Variants in SMARCB1 observed in about 807,000 individuals in gnomAD.
The protein encoded by SMARCB1 is SWI/SNF-related matrix-associated actin-dependent regulator of chromatin subfamily B member 1.
SMARCB1 carries 5 observed loss-of-function variants against 49.0 expected under a neutral mutation model. That is an observed-to-expected ratio of 0.10 (90% confidence interval 0.05 to 0.21). The LOEUF is 0.21. Ranked by LOEUF, SMARCB1 falls within the 10% of genes least tolerant of loss-of-function variation. SMARCB1 has a pLI of 1.00. For synonymous variants in SMARCB1, 201 were observed against 200.1 expected, an observed-to-expected ratio of 1.00 and a Z score of -0.04; for missense variants, 226 against 509.2, an observed-to-expected ratio of 0.44 and a Z score of 5.35.
chr22:23,837,344 G>T lies in SMARCB1; in HGVS notation c.*3164G>T. 1 of 766,508 alleles carries T rather than the reference G, an allele frequency of 1.3e-6. No homozygotes were observed. The allele number at this position is 766,508 out of a possible 1,614,324, so 47.5% of individuals were successfully genotyped here. A position where few individuals can be genotyped will look rare whatever the true frequency, so the allele number is the denominator to read the frequency against. On this transcript the variant is annotated 3_prime_UTR_variant, in exon 9 of 9. Transcript: ENST00000644036. ...GACAAGCTTAAAAGGCCCAGAAGCA[G>T]GCAGGACCCAGGGAGGGGAGGGCCT...
intron 5 of SMARCB1, among the ~76,000 whole-genome samples, chr22:23,805,601 G>A (rs1929446216): frequency 6.6e-6 from 1 of 152,152 alleles, no homozygotes; most frequent in Non-Finnish European, 1.5e-5. Flanking sequence ...CGCCTCCCAG[G>A]TTCAAGTGAT....
chr22:23,834,812 TC>T lies in SMARCB1; in HGVS notation c.*636del. The T allele has an allele frequency of 6.2e-7, 1 of 1,607,586 alleles. No homozygotes were observed. On this transcript the variant is annotated 3_prime_UTR_variant, in exon 9 of 9. Coordinates refer to ENST00000644036, the MANE Select transcript of SMARCB1 (RefSeq NM_003073.5). Reference sequence around the variant, plus strand: ...CTTTCAGGAACAGCCCTAACCCTGCTCCCCTTGCTTGGCCTCAGGAAGGTGC... The same window carrying T: ...CTTTCAGGAACAGCCCTAACCCTGCTCCCTTGCTTGGCCTCAGGAAGGTGC...
intron 6 of SMARCB1, among the ~76,000 whole-genome samples, chr22:23,821,330 C>T (rs1691770486): frequency 6.6e-6 from 1 of 151,834 alleles, no homozygotes; most frequent in Non-Finnish European, 1.5e-5. Flanking sequence ...ACCCTGGGAA[C>T]AGTGTCCTGT....
chr22:23,791,665 T>C (rs1928384725), intron 1 of SMARCB1, 91 bp from the exon 2 acceptor site: 1 of 1,307,786 alleles, frequency 7.6e-7, no homozygotes, highest in African/African-American at 1.4e-5. Flanking sequence ...CAAGGCCTGT[T>C]TGTCTGTTGC....
chr22:23,793,727 G>A lies in SMARCB1; in HGVS notation c.362+39G>A, dbSNP rs781012078. 8.7e-5 allele frequency: 140 copies of A among 1,608,718 alleles called. 1 individual carries two copies. Among genetic ancestry groups the A allele is most frequent in the Admixed American group, 3.8e-4 (23 of 59,964 alleles). ...GGCCAGGGCATCTCTGGGGACACCTGTGGGGTCTTTTCTGAGACTCAAGAA... is the reference window on the plus strand; with the variant it reads ...GGCCAGGGCATCTCTGGGGACACCTATGGGGTCTTTTCTGAGACTCAAGAA... On this transcript the variant is annotated intron_variant, in intron 3 of 8. Transcript: ENST00000644036.
At chr22:23,787,352 C>T (rs1396088686) in intron 1 of SMARCB1, 90 bp downstream of exon 1, 2 of 697,510 alleles carry the variant, frequency 2.9e-6, no homozygotes, top group African/African-American at 5.4e-5. Flanking sequence ...CGTCTCCATT[C>T]ATCGGGGCGG....
At chr22:23,803,027 C>T in intron 4 of SMARCB1, 2 of 552,242 alleles carry the variant, frequency 3.6e-6, no homozygotes, top group South Asian at 4.0e-5. Flanking sequence ...TATCCCTTCA[C>T]AGGATGTCTG....
intron 2 of SMARCB1, 165 bp downstream of exon 2, chr22:23,792,059 C>A: frequency 1.4e-6 from 1 of 692,370 alleles, no homozygotes; most frequent in Non-Finnish European, 2.6e-6. Context: ...AAGGAAGTGG[C>A]TCCAGGGAGC....
Position 23,813,932 on chromosome 22 carries a change from C to T in SMARCB1, c.629-2838C>T, listed in dbSNP as rs573990099. Among the ~76,000 whole-genome samples, 13 of 152,232 alleles carry T rather than the reference C, an allele frequency of 8.5e-5. No individual in the cohort carries two copies. In the East Asian group the frequency reaches 2.3e-3, roughly 27 times the overall value. ...GTAACCTCCACCTTCCGGTTTCAAG[C>T]GTTTCTCCTGCCTTAGTCTCCCGAG... On this transcript the variant is annotated intron_variant, in intron 5 of 8. Transcript: ENST00000644036.
In SMARCB1 at chr22:23,803,563, G is replaced by A. The variant is rs1483501933; in HGVS notation, c.628+141G>A. 5.3e-6 allele frequency: 5 copies of A among 946,338 alleles called. No homozygotes were observed. In the African/African-American group the frequency reaches 6.5e-5, roughly 12 times the overall value. The allele number at this position is 946,338 out of a possible 1,614,324, so 58.6% of individuals were successfully genotyped here. On this transcript the variant is annotated intron_variant, in intron 5 of 8. Coordinates refer to ENST00000644036, the MANE Select transcript of SMARCB1 (RefSeq NM_003073.5). ...ATCGGGGCATAGTTTTGGAGGGTGTGGGCTCTGGGTTCAGTCCTGGTTCTG... is the reference window on the plus strand; with the variant it reads ...ATCGGGGCATAGTTTTGGAGGGTGTAGGCTCTGGGTTCAGTCCTGGTTCTG...
At chr22:23,793,219 G>A (rs565778825) in intron 2 of SMARCB1, 2 of 390,118 alleles carry the variant, frequency 5.1e-6, no homozygotes, top group African/African-American at 4.1e-5. Flanking sequence ...CCTGAGTGAG[G>A]ACCAAGAGAA....
At chr22:23,814,458 G>A (rs1046585602) in intron 5 of SMARCB1, among the ~76,000 whole-genome samples, 4 of 152,222 alleles carry the variant, frequency 2.6e-5, no homozygotes, top group East Asian at 1.9e-4. Context: ...CTGAGATCAC[G>A]AGTTCGAGAC....
Position 23,835,444 on chromosome 22 carries a change from C to G in SMARCB1, c.*1264C>G. Reference sequence around the variant, plus strand: ...GTGCTCCCTGGAAGTGGGGTAGGGCCCCATGTGGGGCAGAGGCAGAGCTCT... The same window carrying G: ...GTGCTCCCTGGAAGTGGGGTAGGGCGCCATGTGGGGCAGAGGCAGAGCTCT... On this transcript the variant is annotated 3_prime_UTR_variant, in exon 9 of 9. Transcript: ENST00000644036. The G allele has an allele frequency of 1.0e-6, 1 of 986,284 alleles. No homozygotes were observed. The highest frequency in any genetic ancestry group is 4.7e-5 in the South Asian group (1 of 21,310). The allele number at this position is 986,284 out of a possible 1,614,324, so 61.1% of individuals were successfully genotyped here. A position where few individuals can be genotyped will look rare whatever the true frequency, so the allele number is the denominator to read the frequency against.
At chr22:23,832,269 A>T (rs923622331) in intron 7 of SMARCB1, among the ~76,000 whole-genome samples, 6 of 152,174 alleles carry the variant, frequency 3.9e-5, no homozygotes, top group African/African-American at 1.4e-4. Context: ...AAGCTCCCTC[A>T]GTGGAGATGT....
chr22:23,811,009 C>T (rs1202831752), intron 5 of SMARCB1, among the ~76,000 whole-genome samples: 2 of 148,294 alleles, frequency 1.3e-5, no homozygotes, highest in Non-Finnish European at 3.0e-5. Context: ...TGCACTCCAG[C>T]CTGGGCGACA....
At position 23,834,591 on chromosome 22, in the gene SMARCB1, G is replaced by T; in HGVS notation, c.*411G>T. On this transcript the variant is annotated 3_prime_UTR_variant, in exon 9 of 9. Coordinates refer to ENST00000644036, the MANE Select transcript of SMARCB1 (RefSeq NM_003073.5). ...CAGGAGTGGGGCCGGGGCCTGGGGG[G>T]ACGAAGGTGGTATGTGAACAAGGTT... is the stretch of plus-strand genomic sequence containing the variant. The T allele has an allele frequency of 1.4e-6, 1 of 711,358 alleles. No individual in the cohort carries two copies. 44.1% of individuals were successfully genotyped at this position (711,358 alleles called of 1,614,324 possible).
At chr22:23,796,323 A>G (rs1928745415) in intron 3 of SMARCB1, among the ~76,000 whole-genome samples, 1 of 151,658 alleles carries the variant, frequency 6.6e-6, no homozygotes, top group African/African-American at 2.4e-5. Context: ...CGGGTCAGCC[A>G]CTTGAATGGA....
At chr22:23,825,055 G>T in intron 6 of SMARCB1, 170 bp from the exon 7 acceptor site, 1 of 655,208 alleles carries the variant, frequency 1.5e-6, no homozygotes, top group Non-Finnish European at 2.8e-6. Flanking sequence ...CAGGGTTGTG[G>T]GGTCAGCCTT....
At chr22:23,805,880 C>T (rs748091322) in intron 5 of SMARCB1, among the ~76,000 whole-genome samples, 8 of 152,202 alleles carry the variant, frequency 5.3e-5, no homozygotes, top group Non-Finnish European at 1.0e-4. Flanking sequence ...TGCTCTGTCT[C>T]GTTACCTTTC....
Sources: gnomAD v4.1 joint callset for allele counts (sites outside exome capture counted in the v4.1 genomes callset) on GRCh38, gnomAD v4.1.1 for gene constraint, MANE v1.5 for transcripts, NCBI Gene and HGNC (gene_info 2026-07-23, HGNC 2026-07-21) for gene names.